The following RNASE4 variants were observed in gnomAD, a reference collection of about 807,000 sequenced individuals.
The protein encoded by RNASE4 is ribonuclease 4.
For synonymous variants in RNASE4, 93 were observed against 71.4 expected (o/e 1.30, Z -1.52); for missense variants, 194 against 192.8 (o/e 1.01, Z -0.04).
intron 1 of RNASE4, among the ~76,000 whole-genome samples, chr14:20,690,685 G>A (rs537266601): frequency 6.6e-6 from 1 of 152,282 alleles, no homozygotes; most frequent in Non-Finnish European, 1.5e-5. Flanking sequence ...TATGTTTAAT[G>A]AGAACCATGA....
intron 1 of RNASE4, chr14:20,693,492 C>A: frequency 6.2e-7 from 1 of 1,600,212 alleles, no homozygotes; most frequent in Non-Finnish European, 8.5e-7. Flanking sequence ...GTCCTTTTGG[C>A]CTAATTTGGT....
In RNASE4 at chr14:20,695,706, T is replaced by G. The variant is rs74034360; in HGVS notation, c.-17-3649T>G. Among the ~76,000 whole-genome samples the G allele has an allele frequency of 2.9e-3, 436 of 152,350 alleles. 1 individual carries two copies. Among genetic ancestry groups the G allele is most frequent in the African/African-American group, 9.3e-3 (386 of 41,586 alleles). On this transcript the variant is annotated intron_variant, in intron 1 of 1. Transcript: ENST00000555835. The stretch of plus-strand genomic sequence containing the variant: ...GCTTCTCCTGCTCCTGGTATTGCCC[T>G]GAAATGGGCCAAAAGCCGTGGCTCC...
At chr14:20,693,031 T>C (rs1302006028) in intron 1 of RNASE4, among the ~76,000 whole-genome samples, 1 of 151,592 alleles carries the variant, frequency 6.6e-6, no homozygotes. Context: ...GTATTTTTAG[T>C]AGAGACGGGG....
intron 1 of RNASE4, among the ~76,000 whole-genome samples, chr14:20,697,892 A>G (rs570561384): frequency 2.6e-5 from 4 of 152,204 alleles, no homozygotes; most frequent in Non-Finnish European, 5.9e-5. Flanking sequence ...CCGATTCACA[A>G]TTCACATCAA....
intron 1 of RNASE4, among the ~76,000 whole-genome samples, chr14:20,685,632 G>A (rs1688822429): frequency 6.6e-6 from 1 of 152,198 alleles, no homozygotes; most frequent in Non-Finnish European, 1.5e-5. Context: ...GACAAGCAGA[G>A]TAAAATAATT....
chr14:20,699,874 A>G lies in RNASE4; in HGVS notation c.*59A>G. 6.9e-7 allele frequency: 1 copy of G among 1,458,332 alleles called. No homozygotes were observed. Among genetic ancestry groups the G allele is most frequent in the East Asian group, 2.3e-5 (1 of 43,986 alleles). 90.3% of individuals were successfully genotyped at this position (1,458,332 alleles called of 1,614,324 possible). A position where few individuals can be genotyped will look rare whatever the true frequency, so the allele number is the denominator to read the frequency against. On this transcript the variant is annotated 3_prime_UTR_variant, in exon 2 of 2. Coordinates refer to ENST00000555835, the MANE Select transcript of RNASE4 (RefSeq NM_002937.5). ...ACCTTACACTTACTCCTTAAATAGC[A>G]GTGAGTAATGCATTTGAGCTGTCCC...
At chr14:20,690,354 T>C (rs1886681404) in intron 1 of RNASE4, among the ~76,000 whole-genome samples, 1 of 152,068 alleles carries the variant, frequency 6.6e-6, no homozygotes, top group African/African-American at 2.4e-5. Context: ...TCTATAGGAC[T>C]TTTGCCACCA....
At chr14:20,698,394 T>G (rs1266319350) in intron 1 of RNASE4, among the ~76,000 whole-genome samples, 1 of 152,212 alleles carries the variant, frequency 6.6e-6, no homozygotes, top group Non-Finnish European at 1.5e-5. Flanking sequence ...GAAGACACAA[T>G]CCAAGTTTTC....
At position 20,699,437 on chromosome 14, in the gene RNASE4, G is replaced by C; in HGVS notation, c.66G>C (p.Leu22=). The C allele has an allele frequency of 6.2e-7, 1 of 1,612,384 alleles. No homozygotes were observed. The highest frequency in any genetic ancestry group is 8.5e-7 in the Non-Finnish European group (1 of 1,178,820). ...TGCTGACCCTGCTGGGGCTGGGGCT[G>C]GTCCAGCCCTCCTATGGCCAGGATG... ...LLLLTLLGLG[L]VQPSYGQDGM... is the part of the protein sequence containing the mutation. Residue 22 remains leucine, a synonymous_variant, in exon 2 of 2, where the codon CTG becomes CTC. Transcript: ENST00000555835.
At chr14:20,686,435 A>G (rs1368973594) in intron 1 of RNASE4, among the ~76,000 whole-genome samples, 1 of 152,234 alleles carries the variant, frequency 6.6e-6, no homozygotes, top group Non-Finnish European at 1.5e-5. Flanking sequence ...GTAGCTGGAT[A>G]AAAAAGTGGA....
intron 1 of RNASE4, among the ~76,000 whole-genome samples, chr14:20,692,800 TTCCCCA>T (rs908261373): frequency 6.6e-6 from 1 of 152,230 alleles, no homozygotes; most frequent in Non-Finnish European, 1.5e-5. Context: ...CCCCCATCTT[TTCCCCA>T]TGGATGCCTC....
At chr14:20,687,690 C>G (rs1254151520) in intron 1 of RNASE4, among the ~76,000 whole-genome samples, 1 of 152,254 alleles carries the variant, frequency 6.6e-6, no homozygotes, top group South Asian at 2.1e-4. Context: ...CTCACACAGT[C>G]CTGGTGTTGG....
chr14:20,689,878 T>G (rs1432191567), intron 1 of RNASE4, among the ~76,000 whole-genome samples: 1 of 143,004 alleles, frequency 7.0e-6, no homozygotes, highest in Admixed American at 7.2e-5. Flanking sequence ...ATAGCACCAC[T>G]GCGATCTAGC....
At chr14:20,686,238 G>A (rs1186962397) in intron 1 of RNASE4, among the ~76,000 whole-genome samples, 2 of 152,158 alleles carry the variant, frequency 1.3e-5, no homozygotes, top group East Asian at 3.8e-4. Context: ...TTAGTAACAG[G>A]ACATGAGGCA....
In RNASE4 at chr14:20,699,802, A is replaced by C. The variant is rs754559305; in HGVS notation, c.431A>C (p.His144Pro). The change falls in exon 2 of 2, where the codon CAC (histidine) becomes CCC (proline). Residue 144 changes from histidine to proline, a missense_variant. His to Pro is a moderately conservative substitution (Grantham distance 77, BLOSUM62 -2). Transcript: ENST00000555835. Reference sequence around the variant, plus strand: ...GAGGGTAACCCACAGGTGCCTGTGCACTTTGACGGTTAGATGCCACCATGT... The same window carrying C: ...GAGGGTAACCCACAGGTGCCTGTGCCCTTTGACGGTTAGATGCCACCATGT... ...ACEGNPQVPV[H>P]FDG 7 of 1,612,402 alleles carry C rather than the reference A, an allele frequency of 4.3e-6. No homozygotes were observed. The highest frequency in any genetic ancestry group is 2.7e-5 in the African/African-American group (2 of 74,904).
chr14:20,699,227 G>T (rs1046672499), intron 1 of RNASE4, 128 bp from the exon 2 acceptor site: 1 of 716,760 alleles, frequency 1.4e-6, no homozygotes. Flanking sequence ...GATGAGTGGG[G>T]AGATGGTGCA....
chr14:20,693,864 C>G (rs1886954701), intron 1 of RNASE4: 1 of 1,614,092 alleles, frequency 6.2e-7, no homozygotes, highest in African/African-American at 1.3e-5. Context: ...AGTCTTCTTT[C>G]CAGGTCACCA....
At chr14:20,691,651 A>G (rs780115453) in intron 1 of RNASE4, among the ~76,000 whole-genome samples, 9 of 152,248 alleles carry the variant, frequency 5.9e-5, no homozygotes, top group African/African-American at 7.2e-5. Flanking sequence ...TCAAGTATGG[A>G]CAAATGTCGG....
chr14:20,694,364 A>G (rs555586983), intron 1 of RNASE4, among the ~76,000 whole-genome samples: 11 of 148,096 alleles, frequency 7.4e-5, no homozygotes, highest in African/African-American at 2.7e-4. Context: ...CAATGGCACA[A>G]TCTCGGCTCA....
Sources: gnomAD v4.1 joint callset for allele counts (sites outside exome capture counted in the v4.1 genomes callset) on GRCh38, gnomAD v4.1.1 for gene constraint, MANE v1.5 for transcripts, NCBI Gene and HGNC (gene_info 2026-07-23, HGNC 2026-07-21) for gene names.